The following FABP7 variants were observed in gnomAD, a reference collection of about 807,000 sequenced individuals.
The protein encoded by FABP7 is fatty acid-binding protein, brain.
In FABP7, 13 loss-of-function variants were observed where a neutral mutation model predicts 14.2. The ratio of observed to expected loss-of-function variants is 0.91; its 90% CI spans 0.59 to 1.45. The LOEUF is 1.45. Ranked by LOEUF, FABP7 falls within the 40% of genes most tolerant of loss-of-function variation. FABP7 has a pLI of 0.00. For synonymous variants in FABP7, 49 were observed against 51.4 expected, an observed-to-expected ratio of 0.95 and a Z score of 0.20; for missense variants, 149 against 157.6, an observed-to-expected ratio of 0.95 and a Z score of 0.29.
At chr6:122,777,845 A>AAATAAATAAATAAATAAAT (rs1780701638), upstream of FABP7, among the ~76,000 whole-genome samples, 1 of 143,778 alleles carries the variant, frequency 7.0e-6, no homozygotes, top group Non-Finnish European at 1.5e-5. Flanking sequence ...CCTTTCTCCA[A>AAATAAATAAATAAATAAAT]AAATAAATAA....
At chr6:122,769,215 A>G in the FABP7 span, among the ~76,000 whole-genome samples, 2,046 of 152,240 alleles carry the variant, frequency 0.013, 22 homozygotes, top group Non-Finnish European at 0.02. Flanking sequence ...TGATGATGAC[A>G]TGGACTTTCA....
At chr6:122,766,852 T>G in the FABP7 span, among the ~76,000 whole-genome samples, 6 of 152,048 alleles carry the variant, frequency 3.9e-5, no homozygotes, top group South Asian at 4.1e-4. Flanking sequence ...TAATTGCACG[T>G]TTTATGATCA....
the FABP7 span, among the ~76,000 whole-genome samples, chr6:122,765,490 A>T: frequency 1.3e-5 from 2 of 152,022 alleles, no homozygotes; most frequent in Non-Finnish European, 2.9e-5. Context: ...TATATTTTAT[A>T]TTCCAGTTCT....
chr6:122,757,326 C>T, the FABP7 span, among the ~76,000 whole-genome samples: 12 of 152,022 alleles, frequency 7.9e-5, no homozygotes, highest in African/African-American at 1.2e-4. Flanking sequence ...TTCTTGACAC[C>T]TCACTTTTTA....
chr6:122,779,577 C>T, upstream of FABP7: 1 of 581,290 alleles, frequency 1.7e-6, no homozygotes. Context: ...GAGCCTCACT[C>T]GAGCGCTCCT....
chr6:122,775,003 G>GA (rs143118561), upstream of FABP7, among the ~76,000 whole-genome samples: 2,913 of 150,850 alleles, frequency 0.019, 94 homozygotes, highest in African/African-American at 0.055. Context: ...GAAATAAAAT[G>GA]AAAAAAAACA....
chr6:122,775,558 A>T (rs531297002), upstream of FABP7, among the ~76,000 whole-genome samples: 2 of 152,254 alleles, frequency 1.3e-5, no homozygotes, highest in Admixed American at 1.3e-4. Flanking sequence ...CTATGAAACT[A>T]CTACCAGAAA....
At chr6:122,779,450 C>A (rs543932300), upstream of FABP7, 1 of 244,144 alleles carries the variant, frequency 4.1e-6, no homozygotes, top group Non-Finnish European at 8.0e-6. Flanking sequence ...TCCCTGCCTC[C>A]AGCCCCATTG....
At chr6:122,772,466 C>G in the FABP7 span, among the ~76,000 whole-genome samples, 1 of 152,196 alleles carries the variant, frequency 6.6e-6, no homozygotes, top group Non-Finnish European at 1.5e-5. Flanking sequence ...ATTGCTCAGG[C>G]TGGACTGCAG....
the FABP7 span, among the ~76,000 whole-genome samples, chr6:122,755,955 C>G: frequency 1.3e-5 from 2 of 152,154 alleles, no homozygotes; most frequent in Non-Finnish European, 2.9e-5. Context: ...GCAGTCCCAA[C>G]AAGCCAGTGC....
At chr6:122,772,462 C>T in the FABP7 span, among the ~76,000 whole-genome samples, 2 of 152,168 alleles carry the variant, frequency 1.3e-5, no homozygotes, top group Non-Finnish European at 2.9e-5. Context: ...CTATATTGCT[C>T]AGGCTGGACT....
the FABP7 span, among the ~76,000 whole-genome samples, chr6:122,774,359 C>CAAAAA: frequency 2.1e-4 from 14 of 66,640 alleles, no homozygotes; most frequent in African/African-American, 8.9e-4. Context: ...TAGACTCTGT[C>CAAAAA]AAAAAAAAAA....
chr6:122,773,817 C>A, the FABP7 span, among the ~76,000 whole-genome samples: 6 of 151,962 alleles, frequency 3.9e-5, no homozygotes, highest in Non-Finnish European at 7.4e-5. Context: ...GGAGATTCAG[C>A]GTCATGTGAA....
At chr6:122,758,415 G>A in the FABP7 span, among the ~76,000 whole-genome samples, 1 of 152,134 alleles carries the variant, frequency 6.6e-6, no homozygotes, top group African/African-American at 2.4e-5. Flanking sequence ...CTGGGAGAAT[G>A]TCTGTAAAAC....
chr6:122,776,952 T>C (rs550086649), upstream of FABP7, among the ~76,000 whole-genome samples: 51 of 152,316 alleles, frequency 3.3e-4, no homozygotes, highest in South Asian at 7.9e-3. Context: ...GGGGCTTTCA[T>C]GTTTTTGATA....
At chr6:122,782,297 G>A (rs7753097) in intron 3 of FABP7, 7 of 737,026 alleles carry the variant, frequency 9.5e-6, no homozygotes, top group Non-Finnish European at 1.2e-5. Context: ...TCTGAAAGCT[G>A]GACGCCTGAG....
the FABP7 span, among the ~76,000 whole-genome samples, chr6:122,756,320 A>T: frequency 6.6e-6 from 1 of 152,192 alleles, no homozygotes; most frequent in Non-Finnish European, 1.5e-5. Context: ...CACCACCCTG[A>T]TTGAACTCCT....
chr6:122,764,365 A>T, the FABP7 span, among the ~76,000 whole-genome samples: 1 of 152,218 alleles, frequency 6.6e-6, no homozygotes, highest in South Asian at 2.1e-4. Context: ...AGGAAGGGGA[A>T]CATCACACAC....
the FABP7 span, among the ~76,000 whole-genome samples, chr6:122,755,610 C>T: frequency 4.9e-4 from 75 of 151,678 alleles, no homozygotes; most frequent in South Asian, 1.7e-3. Context: ...CCTGCCACCA[C>T]GCCCGGCTAA....
Sources: gnomAD v4.1 joint callset for allele counts (sites outside exome capture counted in the v4.1 genomes callset) on GRCh38, gnomAD v4.1.1 for gene constraint, MANE v1.5 for transcripts, NCBI Gene and HGNC (gene_info 2026-07-23, HGNC 2026-07-21) for gene names.